DCHS2: variants seen among roughly 807,000 people sequenced by gnomAD.
DCHS2 encodes the protein protocadherin-23.
Under a neutral mutation model 182.4 loss-of-function variants are expected in DCHS2, and 142 were observed. The ratio of observed to expected loss-of-function variants is 0.78; its 90% CI spans 0.68 to 0.89. The LOEUF (loss-of-function observed/expected upper bound fraction) is 0.89, where lower values mean the gene tolerates loss of function less well. Ranked by LOEUF, DCHS2 falls within the 40% of genes least tolerant of loss-of-function variation. The pLI is 0.00. For synonymous variants in DCHS2, 1,740 were observed against 1,663.3 expected, an observed-to-expected ratio of 1.05 and a Z score of -1.12; for missense variants, 4,319 against 4,198.6, an observed-to-expected ratio of 1.03 and a Z score of -0.79.
At position 154,396,090 on chromosome 4, in the gene DCHS2, C is replaced by T. The variant is rs191128603; in HGVS notation, c.2053-18646G>A. Reference sequence around the variant, plus strand: ...AGAAATTGAGCATGATCAGCTGAGGCTTTTCTGGGATTTTTCTTTTCAGAT... The same window carrying T: ...AGAAATTGAGCATGATCAGCTGAGGTTTTTCTGGGATTTTTCTTTTCAGAT... On this transcript the variant is annotated intron_variant, in intron 1 of 19. Coordinates refer to ENST00000357232, the MANE Select transcript of DCHS2 (RefSeq NM_001358235.2). 2.6e-5 allele frequency among the ~76,000 whole-genome samples: 4 copies of T among 152,268 alleles called. No homozygotes were observed. The East Asian group carries it at 5.8e-4, about 22-fold the overall frequency.
At chr4:154,375,145 G>GA (rs1455184945) in intron 2 of DCHS2, among the ~76,000 whole-genome samples, 1 of 151,878 alleles carries the variant, frequency 6.6e-6, no homozygotes, top group Non-Finnish European at 1.5e-5. Flanking sequence ...AATCATAGGG[G>GA]AAAAAATAAC....
At chr4:154,388,068 TA>T (rs746516591) in intron 1 of DCHS2, among the ~76,000 whole-genome samples, 1 of 152,142 alleles carries the variant, frequency 6.6e-6, no homozygotes, top group Non-Finnish European at 1.5e-5. Flanking sequence ...ATATACATGT[TA>T]AACATTCTCC....
chr4:154,406,075 C>T (rs1732388211), intron 1 of DCHS2, among the ~76,000 whole-genome samples: 1 of 152,240 alleles, frequency 6.6e-6, no homozygotes, highest in Non-Finnish European at 1.5e-5. Context: ...CAATTATCTC[C>T]TAGCACTGGA....
rs549125230 is a variant in DCHS2 at position 154,232,320 on chromosome 4, G to C, written c.*2216C>G. On this transcript the variant is annotated 3_prime_UTR_variant, in exon 20 of 20. Coordinates refer to ENST00000357232, the MANE Select transcript of DCHS2 (RefSeq NM_001358235.2). ...CACATTTTTAACCCCATTCCCACTT[G>C]TAGTACTTGTTTGGTGGCATTGTGG... The C allele has an allele frequency of 1.3e-5, 2 of 152,224 alleles. No individual in the cohort carries two copies. Among genetic ancestry groups the C allele is most frequent in the Non-Finnish European group, 2.9e-5 (2 of 68,010 alleles). The allele number at this position is 152,224 out of a possible 1,614,324, so 9.4% of individuals were successfully genotyped here.
In DCHS2 at chr4:154,333,360, C is replaced by A. The variant is rs76121430; in HGVS notation, c.2848G>T (p.Val950Leu). 14,915 of 1,614,096 alleles carry A rather than the reference C, an allele frequency of 9.2e-3. 1,172 individuals carry two copies. In the African/African-American group the frequency reaches 0.17, roughly 19 times the overall value. ...GGGGCGCTGCCGAGCTGCGCCTGCACCGTGAGCACAACCACGGGCTGCGTC... is the reference window on the plus strand; with the variant it reads ...GGGGCGCTGCCGAGCTGCGCCTGCAACGTGAGCACAACCACGGGCTGCGTC... ...HETQPVVVLT[V>L]QAQLGSAPAC... Residue 950 changes from valine (V) to leucine (L), a missense_variant, in exon 5 of 20, where the codon GTG becomes TTG. Val to Leu is a conservative substitution (Grantham distance 32). Transcript: ENST00000357232.
At chr4:154,419,549 G>A (rs1316118149) in intron 1 of DCHS2, among the ~76,000 whole-genome samples, 1 of 150,790 alleles carries the variant, frequency 6.6e-6, no homozygotes, top group Non-Finnish European at 1.5e-5. Context: ...TACTTGGGAG[G>A]CTGAGGCAGG....
chr4:154,328,135 C>T lies in DCHS2; in HGVS notation c.3976G>A (p.Asp1326Asn). 1 of 1,609,608 alleles carries T rather than the reference C, an allele frequency of 6.2e-7. No individual in the cohort carries two copies. The highest frequency in any genetic ancestry group is 8.5e-7 in the Non-Finnish European group (1 of 1,177,936). Residue 1326 changes from aspartate to asparagine, a missense_variant, in exon 7 of 20, where the codon GAT (aspartate) becomes AAT (asparagine). Asp to Asn is a conservative substitution (Grantham distance 23, BLOSUM62 1). Transcript: ENST00000357232. ...LVTTVFAKDP[D>N]EGNNAEVTYS... is the part of the protein sequence containing the mutation. ...GTAACTTCTGCATTATTTCCTTCAT[C>T]AGGATCCTTTGCAAACACAGTTGTA...
At chr4:154,303,939 A>G (rs922466710) in intron 12 of DCHS2, among the ~76,000 whole-genome samples, 1 of 152,134 alleles carries the variant, frequency 6.6e-6, no homozygotes, top group African/African-American at 2.4e-5. Context: ...GTGCCTGTGT[A>G]TGGCTCTTGG....
chr4:154,310,566 T>C (rs1381613721), intron 10 of DCHS2, among the ~76,000 whole-genome samples: 1 of 152,202 alleles, frequency 6.6e-6, no homozygotes, highest in Non-Finnish European at 1.5e-5. Context: ...CCTTCATAAG[T>C]ACACTGGGAA....
intron 3 of DCHS2, among the ~76,000 whole-genome samples, chr4:154,345,679 C>G (rs1027782844): frequency 6.7e-6 from 1 of 148,368 alleles, no homozygotes; most frequent in Non-Finnish European, 1.5e-5. Flanking sequence ...GTCCCCCTCA[C>G]AAGTTAAAGC....
At chr4:154,415,778 C>T (rs1560744905) in intron 1 of DCHS2, among the ~76,000 whole-genome samples, 1 of 152,138 alleles carries the variant, frequency 6.6e-6, no homozygotes, top group Non-Finnish European at 1.5e-5. Flanking sequence ...CAGGAATCAG[C>T]TCCACCCAGA....
At chr4:154,237,206 A>G (rs1173050360) in intron 19 of DCHS2, 47 bp from the exon 20 acceptor site, 3 of 1,540,720 alleles carry the variant, frequency 1.9e-6, no homozygotes, top group Non-Finnish European at 2.6e-6. Flanking sequence ...TGCAGTTTTG[A>G]TGATCCATTT....
chr4:154,440,305 C>T (rs1350548483), intron 1 of DCHS2, among the ~76,000 whole-genome samples: 1 of 152,132 alleles, frequency 6.6e-6, no homozygotes, highest in South Asian at 2.1e-4. Context: ...GGTTAGCAAA[C>T]AAATGAAACT....
At chr4:154,454,702 T>C (rs964279561) in intron 1 of DCHS2, among the ~76,000 whole-genome samples, 4 of 152,158 alleles carry the variant, frequency 2.6e-5, no homozygotes, top group African/African-American at 9.7e-5. Context: ...TTCAAGGCTA[T>C]AAACGAGGCT....
rs1465252985 is a variant in DCHS2, at chr4:154,332,865, G to C, written c.3343C>G (p.Arg1115Gly). ...QTQAHPLGPQ[R>G]AASPLRYSLE... is the part of the protein sequence containing the mutation. ...GAGTACCTAAGAGGCGAGGCTGCAC[G>C]CTGGGGGCCAAGTGGGTGCGCCTGT... Residue 1115 changes from arginine (R) to glycine (G), a missense_variant, in exon 5 of 20, where the codon CGT (arginine) becomes GGT (glycine). Physicochemically the swap from Arg to Gly is moderately radical, Grantham distance 125. Coordinates refer to ENST00000357232, the MANE Select transcript of DCHS2 (RefSeq NM_001358235.2). The C allele has an allele frequency of 6.2e-7, 1 of 1,614,248 alleles. No individual in the cohort carries two copies. Among genetic ancestry groups the C allele is most frequent in the South Asian group, 1.1e-5 (1 of 91,090 alleles).
intron 3 of DCHS2, among the ~76,000 whole-genome samples, chr4:154,356,273 A>C (rs1729861051): frequency 6.6e-6 from 1 of 152,182 alleles, no homozygotes; most frequent in African/African-American, 2.4e-5. Context: ...GGATACAAAG[A>C]AAGAAAATAT....
At chr4:154,245,495 T>C (rs932149369) in intron 16 of DCHS2, among the ~76,000 whole-genome samples, 1 of 152,170 alleles carries the variant, frequency 6.6e-6, no homozygotes, top group African/African-American at 2.4e-5. Context: ...TAGAGGATTT[T>C]TCAAAACTCT....
intron 13 of DCHS2, among the ~76,000 whole-genome samples, chr4:154,284,920 C>T (rs1374377598): frequency 1.3e-5 from 2 of 152,134 alleles, no homozygotes; most frequent in African/African-American, 2.4e-5. Flanking sequence ...ACTTTCACCA[C>T]CCCTCCCCTA....
chr4:154,389,536 A>ATATAT (rs1485000004), intron 1 of DCHS2, among the ~76,000 whole-genome samples: 4 of 144,574 alleles, frequency 2.8e-5, no homozygotes, highest in Admixed American at 6.8e-5. Flanking sequence ...ATATATATAT[A>ATATAT]ACCTTTTTTT....
Sources: allele counts gnomAD v4.1 joint callset (sites outside exome capture counted in the v4.1 genomes callset), GRCh38; gene constraint gnomAD v4.1.1; transcripts MANE v1.5; gene names NCBI Gene and HGNC (gene_info 2026-07-23, HGNC 2026-07-21).